The following CSGALNACT1 variants were observed in gnomAD, a reference collection of about 807,000 sequenced individuals.
CSGALNACT1 encodes the protein beta4GalNAcT-1.
In CSGALNACT1, 52 loss-of-function variants were observed where a neutral mutation model predicts 51.0. That is an observed-to-expected ratio of 1.02 (90% CI 0.82 to 1.29). The LOEUF is 1.29. Among genes scored for constraint, CSGALNACT1 ranks in the 50% most tolerant of loss-of-function variants. The pLI is 0.00. For synonymous variants in CSGALNACT1, 341 were observed against 254.4 expected (o/e 1.34, Z -3.24); for missense variants, 935 against 679.2 (o/e 1.38, Z -4.19).
intron 1 of CSGALNACT1, among the ~76,000 whole-genome samples, chr8:19,649,171 A>C (rs1194304309): frequency 1.3e-5 from 2 of 152,228 alleles, no homozygotes; most frequent in Non-Finnish European, 2.9e-5. Context: ...CCCATTTTGC[A>C]GATGAGAAAA....
exon 10 of CSGALNACT1, chr8:19,405,245 C>A: frequency 2.2e-6 from 1 of 453,244 alleles, no homozygotes; most frequent in East Asian, 7.0e-5. Context: ...AAATATGACA[C>A]GATATTTATG....
chr8:19,586,316 GC>G (rs1290858762), intron 3 of CSGALNACT1, among the ~76,000 whole-genome samples: 1 of 151,286 alleles, frequency 6.6e-6, no homozygotes, highest in African/African-American at 2.4e-5. Flanking sequence ...CCAAGATCAT[GC>G]CACTGCACTC....
upstream of CSGALNACT1, among the ~76,000 whole-genome samples, chr8:19,607,343 C>T (rs1460836545): frequency 1.3e-5 from 2 of 152,132 alleles, no homozygotes; most frequent in Non-Finnish European, 2.9e-5. Context: ...CCAATTTAGG[C>T]TGGAGAGGAT....
At chr8:19,607,779 C>T (rs550954010) in intron 1 of CSGALNACT1, among the ~76,000 whole-genome samples, 4 of 152,324 alleles carry the variant, frequency 2.6e-5, no homozygotes, top group South Asian at 4.1e-4. Flanking sequence ...ACTTCCCAAT[C>T]TGTAAAATGA....
chr8:19,666,649 T>C (rs1463426236), intron 1 of CSGALNACT1, among the ~76,000 whole-genome samples: 2 of 150,710 alleles, frequency 1.3e-5, no homozygotes, highest in African/African-American at 4.9e-5. Context: ...AGTGAGCCGA[T>C]ATTGTGCTAC....
chr8:19,501,246 C>CAAAAAAAAAAAAAAA (rs35069773), intron 4 of CSGALNACT1, among the ~76,000 whole-genome samples: 1 of 83,626 alleles, frequency 1.2e-5, no homozygotes, highest in Non-Finnish European at 2.3e-5. Flanking sequence ...GACTCCGTCT[C>CAAAAAAAAAAAAAAA]AAAAAAAAAA....
chr8:19,619,648 C>T (rs779448227), intron 1 of CSGALNACT1, among the ~76,000 whole-genome samples: 5 of 152,080 alleles, frequency 3.3e-5, no homozygotes, highest in Non-Finnish European at 7.4e-5. Context: ...GTAAGGAAGA[C>T]GAAGGAGTGT....
At chr8:19,409,309 C>A (rs1278967060) in intron 8 of CSGALNACT1, among the ~76,000 whole-genome samples, 1 of 152,186 alleles carries the variant, frequency 6.6e-6, no homozygotes, top group African/African-American at 2.4e-5. Flanking sequence ...TGAAGAAAGA[C>A]TCTGTCCATT....
chr8:19,470,132 G>A (rs7018210), intron 4 of CSGALNACT1, among the ~76,000 whole-genome samples: 86,929 of 151,962 alleles, frequency 0.57, 25,226 homozygotes, highest in East Asian at 0.75. Flanking sequence ...AGAGGTGGAT[G>A]GGACCTACAA....
At chr8:19,661,194 G>C (rs546806223) in intron 1 of CSGALNACT1, among the ~76,000 whole-genome samples, 1 of 151,932 alleles carries the variant, frequency 6.6e-6, no homozygotes, top group South Asian at 2.1e-4. Context: ...GATTAGAGGC[G>C]TAAGCCACCA....
intron 3 of CSGALNACT1, among the ~76,000 whole-genome samples, chr8:19,512,081 A>G (rs1208932536): frequency 6.6e-6 from 1 of 152,194 alleles, no homozygotes; most frequent in South Asian, 2.1e-4. Context: ...CCTATCAGTG[A>G]CCAACCAATA....
chr8:19,637,036 A>G (rs1021913091), intron 1 of CSGALNACT1, among the ~76,000 whole-genome samples: 6 of 152,134 alleles, frequency 3.9e-5, no homozygotes, highest in African/African-American at 1.2e-4. Context: ...ACTAAAAAAA[A>G]AAAAAATAGA....
At chr8:19,754,960 C>A (rs1348871261) in intron 1 of CSGALNACT1, among the ~76,000 whole-genome samples, 1 of 152,148 alleles carries the variant, frequency 6.6e-6, no homozygotes, top group Non-Finnish European at 1.5e-5. Flanking sequence ...TATAGTAGGG[C>A]TAACATTTAG....
intron 3 of CSGALNACT1, among the ~76,000 whole-genome samples, chr8:19,584,999 G>T (rs375198200): frequency 6.6e-6 from 1 of 152,302 alleles, no homozygotes; most frequent in Middle Eastern, 3.4e-3. Flanking sequence ...CTGTCTAGCT[G>T]TGTAACCCTG....
intron 9 of CSGALNACT1, among the ~76,000 whole-genome samples, chr8:19,407,314 T>TA (rs1346978269): frequency 6.6e-6 from 1 of 152,146 alleles, no homozygotes; most frequent in African/African-American, 2.4e-5. Context: ...TGAGTAGCTT[T>TA]AGGTCTTGGA....
intron 4 of CSGALNACT1, among the ~76,000 whole-genome samples, chr8:19,504,445 T>C (rs1175342193): frequency 2.6e-5 from 4 of 152,234 alleles, no homozygotes. Context: ...TTTTCCCAAA[T>C]TATTAGTTGA....
intron 1 of CSGALNACT1, among the ~76,000 whole-genome samples, chr8:19,634,665 T>C (rs1164835807): frequency 1.3e-5 from 2 of 151,840 alleles, no homozygotes; most frequent in South Asian, 2.1e-4. Context: ...TGTCTCAATA[T>C]TTTTTTTAAA....
At chr8:19,457,775 C>A in intron 5 of CSGALNACT1, 1 of 1,351,380 alleles carries the variant, frequency 7.4e-7, no homozygotes, top group Non-Finnish European at 9.8e-7. Context: ...ACCGCACAAT[C>A]AAGGGCTTAA....
intron 4 of CSGALNACT1, among the ~76,000 whole-genome samples, chr8:19,465,188 A>C (rs915685126): frequency 1.3e-5 from 2 of 152,238 alleles, no homozygotes; most frequent in Non-Finnish European, 2.9e-5. Flanking sequence ...ATTCGGATAC[A>C]TGCTACAACA....
Sources: gnomAD v4.1 joint callset for allele counts (sites outside exome capture counted in the v4.1 genomes callset) on GRCh38, gnomAD v4.1.1 for gene constraint, MANE v1.5 for transcripts, NCBI Gene and HGNC (gene_info 2026-07-23, HGNC 2026-07-21) for gene names.